MLPH: variants seen among roughly 807,000 people sequenced by gnomAD.
MLPH encodes melanophilin, also known as exophilin-3.
In MLPH, 51 loss-of-function variants were observed where a neutral mutation model predicts 72.1. The ratio of observed to expected loss-of-function variants is 0.71; its 90% CI spans 0.56 to 0.89. MLPH has a LOEUF of 0.89. Among genes scored for constraint, MLPH ranks in the 40% least tolerant of loss-of-function variants. The probability of loss-of-function intolerance (pLI) is 0.00; values close to 1 mark genes in which losing one functional copy is unlikely to be tolerated. For synonymous variants in MLPH, 301 were observed against 310.1 expected, an observed-to-expected ratio of 0.97 and a Z score of 0.31; for missense variants, 743 against 759.9, an observed-to-expected ratio of 0.98 and a Z score of 0.26.
chr2:237,513,469 T>C (rs562397165), intron 4 of MLPH, among the ~76,000 whole-genome samples: 2 of 152,326 alleles, frequency 1.3e-5, no homozygotes, highest in East Asian at 3.9e-4. Flanking sequence ...TTTATGCTCA[T>C]GTGGTTTTAT....
intron 2 of MLPH, among the ~76,000 whole-genome samples, chr2:237,496,601 G>A (rs2079540785): frequency 1.3e-5 from 2 of 152,342 alleles, no homozygotes; most frequent in Admixed American, 1.3e-4. Flanking sequence ...CTGGTGGGCC[G>A]CTGATGGCCA....
intron 2 of MLPH, among the ~76,000 whole-genome samples, chr2:237,508,974 G>A (rs142716264): frequency 7.9e-4 from 121 of 152,282 alleles, no homozygotes; most frequent in African/African-American, 2.4e-3. Flanking sequence ...GCCACGTGCC[G>A]GGCTCTTGCC....
chr2:237,553,119 T>C (rs1318563930), intron 15 of MLPH: 1 of 472,778 alleles, frequency 2.1e-6, no homozygotes, highest in Non-Finnish European at 4.4e-6. Flanking sequence ...CCCCAACCAA[T>C]GTGATCAGTC....
At chr2:237,547,664 G>A (rs539839090) in intron 13 of MLPH, among the ~76,000 whole-genome samples, 4 of 82,804 alleles carry the variant, frequency 4.8e-5, no homozygotes, top group African/African-American at 2.4e-4. Flanking sequence ...AGTAGGAGCA[G>A]TGCACAGAGG....
intron 12 of MLPH, chr2:237,546,394 GT>G: frequency 3.4e-6 from 2 of 590,412 alleles, no homozygotes; most frequent in Non-Finnish European, 6.1e-6. Flanking sequence ...GAAATTCAAA[GT>G]TCCCTGGGTA....
intron 6 of MLPH, among the ~76,000 whole-genome samples, chr2:237,524,519 T>C (rs2080260671): frequency 6.6e-6 from 1 of 152,054 alleles, no homozygotes; most frequent in Admixed American, 6.5e-5. Context: ...CACGTTTTTC[T>C]GTCTGCTTTA....
At chr2:237,516,247 C>T (rs1473137717) in intron 4 of MLPH, among the ~76,000 whole-genome samples, 1 of 152,230 alleles carries the variant, frequency 6.6e-6, no homozygotes, top group Non-Finnish European at 1.5e-5. Flanking sequence ...GCTCTAAACC[C>T]TGGGGTCCCT....
chr2:237,530,929 C>T (rs1420465844), intron 8 of MLPH, among the ~76,000 whole-genome samples: 1 of 152,216 alleles, frequency 6.6e-6, no homozygotes, highest in Non-Finnish European at 1.5e-5. Flanking sequence ...CACCTGCATT[C>T]GCAGGTCTAG....
chr2:237,515,875 C>A (rs1206446102), intron 4 of MLPH, among the ~76,000 whole-genome samples: 2 of 152,196 alleles, frequency 1.3e-5, no homozygotes, highest in Non-Finnish European at 2.9e-5. Context: ...CTTCTCCTTC[C>A]TTTTCCCACT....
rs2081080283 is a variant in MLPH, at chr2:237,553,625, A to G, written c.*33A>G. The G allele has an allele frequency of 6.2e-7, 1 of 1,613,984 alleles. No homozygotes were observed. Among genetic ancestry groups the G allele is most frequent in the South Asian group, 1.1e-5 (1 of 91,080 alleles). ...GGACAGAGAGACAGAGCAGCCCTGC[A>G]CTGTTTTCCCTCCACCACAGCCATC... On this transcript the variant is annotated 3_prime_UTR_variant, in exon 16 of 16. Coordinates refer to ENST00000264605, the MANE Select transcript of MLPH (RefSeq NM_024101.7).
intron 2 of MLPH, among the ~76,000 whole-genome samples, chr2:237,495,289 T>C (rs567559947): frequency 4.6e-5 from 7 of 152,358 alleles, no homozygotes; most frequent in Middle Eastern, 3.4e-3. Context: ...TTAATGTCAT[T>C]CCATCGGCAA....
At chr2:237,545,469 G>A (rs1474315048) in intron 12 of MLPH, 3 of 1,288,476 alleles carry the variant, frequency 2.3e-6, no homozygotes, top group Non-Finnish European at 2.0e-6. Context: ...TCTTTATGAG[G>A]GGACTCTGAG....
chr2:237,498,484 G>A (rs1249096791), intron 2 of MLPH, among the ~76,000 whole-genome samples: 2 of 152,180 alleles, frequency 1.3e-5, no homozygotes, highest in African/African-American at 4.8e-5. Context: ...GGAGGAAGGA[G>A]GGCATGTGAC....
intron 4 of MLPH, 143 bp downstream of exon 4, chr2:237,511,244 C>T (rs2079896175): frequency 3.0e-5 from 19 of 626,996 alleles, no homozygotes; most frequent in Admixed American, 8.2e-5. Context: ...ACATGCCTCT[C>T]TGTGAATTCC....
intron 12 of MLPH, among the ~76,000 whole-genome samples, chr2:237,544,417 CGG>C (rs1491172952): frequency 4.8e-5 from 1 of 21,022 alleles, no homozygotes; most frequent in African/African-American, 7.9e-4. Context: ...AGTGGTGAGT[CGG>C]GGGACAGTGG....
intron 4 of MLPH, among the ~76,000 whole-genome samples, chr2:237,516,361 G>C (rs729388): frequency 0.23 from 34,870 of 152,116 alleles, 4,798 homozygotes; most frequent in African/African-American, 0.39. Flanking sequence ...GGCCCAGGAG[G>C]TCAGTGTGAG....
intron 12 of MLPH, chr2:237,545,447 C>T (rs2080894835): frequency 1.6e-6 from 2 of 1,285,582 alleles, no homozygotes; most frequent in Non-Finnish European, 1.0e-6. Flanking sequence ...GTTGTTTCTA[C>T]CCTAAAAAGG....
At chr2:237,546,392 A>C (rs1409822273) in intron 12 of MLPH, 1 of 588,602 alleles carries the variant, frequency 1.7e-6, no homozygotes, top group Admixed American at 2.9e-5. Context: ...CTGAAATTCA[A>C]AGTTCCCTGG....
chr2:237,536,965 C>G (rs1450110153), intron 9 of MLPH, among the ~76,000 whole-genome samples: 2 of 152,350 alleles, frequency 1.3e-5, no homozygotes, highest in African/African-American at 4.8e-5. Context: ...AAGTAACAGA[C>G]TCCACATGGG....
Sources: gnomAD v4.1 joint callset for allele counts (sites outside exome capture counted in the v4.1 genomes callset) on GRCh38, gnomAD v4.1.1 for gene constraint, MANE v1.5 for transcripts, NCBI Gene and HGNC (gene_info 2026-07-23, HGNC 2026-07-21) for gene names.